The following UNC13B variants were observed in gnomAD, a reference collection of about 807,000 sequenced individuals.
UNC13B encodes the protein unc-13 homolog B, also known as protein unc-13 homolog B.
UNC13B carries 144 observed loss-of-function variants against 211.0 expected under a neutral mutation model. The ratio of observed to expected loss-of-function variants is 0.68; its 90% CI spans 0.60 to 0.78. The LOEUF is 0.78. Among genes scored for constraint, UNC13B ranks in the 30% least tolerant of loss-of-function variants. The pLI, the probability that UNC13B is intolerant of heterozygous loss-of-function variation, is 0.00. For missense variants in UNC13B, 1,777 were observed against 2,002.0 expected (o/e 0.89, Z 2.14); for synonymous variants, 709 against 725.8 (o/e 0.98, Z 0.37).
chr9:35,348,003 G>A (rs554268253), intron 11 of UNC13B, among the ~76,000 whole-genome samples: 65 of 152,272 alleles, frequency 4.3e-4, no homozygotes, highest in African/African-American at 1.4e-3. Flanking sequence ...TTTGGGAGGC[G>A]AGATGGGCGG....
intron 7 of UNC13B, among the ~76,000 whole-genome samples, chr9:35,264,774 C>T (rs564415976): frequency 5.6e-4 from 85 of 152,260 alleles, no homozygotes; most frequent in African/African-American, 1.9e-3. Flanking sequence ...TATATCAAGC[C>T]AAAGAGAATT....
At chr9:35,265,868 C>T (rs1262779343) in intron 7 of UNC13B, among the ~76,000 whole-genome samples, 2 of 152,186 alleles carry the variant, frequency 1.3e-5, no homozygotes, top group African/African-American at 4.8e-5. Flanking sequence ...CTCTGTCACC[C>T]AGACTGGAGT....
Position 35,301,491 on chromosome 9 carries a change from A to T in UNC13B, c.2087A>T (p.Glu696Val). The change falls in exon 9 of 40, where the codon GAA (glutamate) becomes GTA (valine). Residue 696 changes from glutamate to valine, a missense_variant. Transcript: ENST00000635942. ...TGTGGTTTGGAGTTAAATAAAAGGG[A>T]AGGCACTCTTGACAATTACAGTAGT... ...VECGLELNKREGTLDNYSSSI... is the reference protein window; with the variant it reads ...VECGLELNKRVGTLDNYSSSI... 1 of 398,804 alleles carries T rather than the reference A, an allele frequency of 2.5e-6. No homozygotes were observed. Among genetic ancestry groups the T allele is most frequent in the Non-Finnish European group, 4.4e-6 (1 of 225,944 alleles). The allele number at this position is 398,804 out of a possible 1,614,324, so 24.7% of individuals were successfully genotyped here.
chr9:35,313,365 C>A (rs559941764), intron 10 of UNC13B, among the ~76,000 whole-genome samples: 3 of 152,254 alleles, frequency 2.0e-5, no homozygotes, highest in Non-Finnish European at 4.4e-5. Flanking sequence ...TGGCTCACGC[C>A]TGTAATCCCA....
chr9:35,237,516 C>G (rs1825579024), intron 4 of UNC13B, among the ~76,000 whole-genome samples, 187 bp from the exon 5 acceptor site: 1 of 152,146 alleles, frequency 6.6e-6, no homozygotes, highest in African/African-American at 2.4e-5. Context: ...GCTGCTCTCC[C>G]CACCAAAGAG....
At chr9:35,169,779 T>G (rs1302521736) in intron 1 of UNC13B, among the ~76,000 whole-genome samples, 1 of 152,246 alleles carries the variant, frequency 6.6e-6, no homozygotes, top group African/African-American at 2.4e-5. Flanking sequence ...AGTAGCGTAT[T>G]CTGTAATTTA....
At chr9:35,186,181 G>A (rs1476113557) in intron 1 of UNC13B, among the ~76,000 whole-genome samples, 1 of 151,938 alleles carries the variant, frequency 6.6e-6, no homozygotes. Context: ...CCTACTAGGT[G>A]TAGACCCTAC....
chr9:35,330,494 T>C (rs1353444066), intron 11 of UNC13B, among the ~76,000 whole-genome samples: 2 of 152,212 alleles, frequency 1.3e-5, no homozygotes, highest in African/African-American at 4.8e-5. Context: ...ACAGGGTTGC[T>C]AGGGTAACTT....
intron 11 of UNC13B, among the ~76,000 whole-genome samples, chr9:35,340,976 C>T (rs1016740164): frequency 6.6e-6 from 1 of 152,102 alleles, no homozygotes; most frequent in Admixed American, 6.6e-5. Flanking sequence ...CCAGTGAGTC[C>T]TAACTAGAAT....
chr9:35,261,551 G>A (rs763745779), intron 7 of UNC13B, among the ~76,000 whole-genome samples: 9 of 151,920 alleles, frequency 5.9e-5, no homozygotes, highest in Non-Finnish European at 1.2e-4. Flanking sequence ...CATACAATAT[G>A]TAATAATCAC....
intron 1 of UNC13B, among the ~76,000 whole-genome samples, chr9:35,198,965 C>T (rs1435964119): frequency 6.6e-6 from 1 of 152,154 alleles, no homozygotes; most frequent in Admixed American, 6.5e-5. Context: ...CGCCCGTTAA[C>T]TCATCATTTA....
intron 11 of UNC13B, among the ~76,000 whole-genome samples, chr9:35,350,136 C>T (rs1448726579): frequency 6.6e-6 from 1 of 152,158 alleles, no homozygotes; most frequent in East Asian, 1.9e-4. Flanking sequence ...CCTCCTTGTA[C>T]TTTCCACTCT....
chr9:35,217,376 CTTGT>C (rs775082595), intron 1 of UNC13B, among the ~76,000 whole-genome samples: 8 of 150,588 alleles, frequency 5.3e-5, no homozygotes, highest in Non-Finnish European at 7.4e-5. Flanking sequence ...ACTATCATTT[CTTGT>C]TTGTTTGTTT....
intron 1 of UNC13B, among the ~76,000 whole-genome samples, chr9:35,223,994 A>G (rs1824702179): frequency 6.6e-6 from 1 of 152,100 alleles, no homozygotes; most frequent in Non-Finnish European, 1.5e-5. Context: ...TCTCTATTCT[A>G]TTCCATTGGC....
chr9:35,162,315 C>T lies in UNC13B; in HGVS notation c.22+10C>T. 1 of 1,539,434 alleles carries T rather than the reference C, an allele frequency of 6.5e-7. No homozygotes were observed. Among genetic ancestry groups the T allele is most frequent in the Non-Finnish European group, 8.7e-7 (1 of 1,147,080 alleles). On this transcript the variant is annotated intron_variant, in intron 1 of 39. Coordinates refer to ENST00000635942, the MANE Select transcript of UNC13B (RefSeq NM_001371189.2). Reference sequence around the variant, plus strand: ...CTGCTCTGCGTGCGCGGTGAGTGCGCGGACTGAGGCGGGGAGGCGGGGTGT... The same window carrying T: ...CTGCTCTGCGTGCGCGGTGAGTGCGTGGACTGAGGCGGGGAGGCGGGGTGT...
intron 11 of UNC13B, among the ~76,000 whole-genome samples, chr9:35,347,246 G>C (rs1220236411): frequency 1.3e-5 from 2 of 152,120 alleles, no homozygotes; most frequent in African/African-American, 4.8e-5. Context: ...TTTATATTGT[G>C]ATCATCTATA....
intron 26 of UNC13B, 41 bp downstream of exon 26, chr9:35,390,755 C>T: frequency 1.3e-6 from 2 of 1,572,620 alleles, no homozygotes; most frequent in African/African-American, 1.4e-5. Context: ...AGGCTCCTAG[C>T]CCAAGCTCCT....
intron 1 of UNC13B, among the ~76,000 whole-genome samples, chr9:35,179,195 A>C (rs886574088): frequency 1.3e-5 from 2 of 152,182 alleles, no homozygotes; most frequent in African/African-American, 4.8e-5. Context: ...TAATAAAAGT[A>C]TTTAGGGAAA....
intron 3 of UNC13B, 36 bp from the exon 4 acceptor site, chr9:35,236,433 C>T: frequency 6.5e-7 from 1 of 1,542,532 alleles, no homozygotes; most frequent in South Asian, 1.1e-5. Flanking sequence ...TTCATATTGT[C>T]TAGCTTTCCT....
Sources: gnomAD v4.1 joint callset for allele counts (sites outside exome capture counted in the v4.1 genomes callset) on GRCh38, gnomAD v4.1.1 for gene constraint, MANE v1.5 for transcripts, NCBI Gene and HGNC (gene_info 2026-07-23, HGNC 2026-07-21) for gene names.